The following NDUFS7 variants were observed in gnomAD, a reference collection of about 807,000 sequenced individuals.
NDUFS7 encodes the protein NADH:ubiquinone oxidoreductase core subunit S7.
Under a neutral mutation model 31.1 loss-of-function variants are expected in NDUFS7, and 11 were observed. The ratio of observed to expected loss-of-function variants is 0.35; its 90% CI spans 0.22 to 0.59. The LOEUF (loss-of-function observed/expected upper bound fraction) is 0.59, where lower values mean the gene tolerates loss of function less well. Among genes scored for constraint, NDUFS7 ranks in the 20% least tolerant of loss-of-function variants. NDUFS7 has a pLI of 0.79. For synonymous variants in NDUFS7, 136 were observed against 127.9 expected, an observed-to-expected ratio of 1.06 and a Z score of -0.43; for missense variants, 263 against 324.2, an observed-to-expected ratio of 0.81 and a Z score of 1.45.
In NDUFS7 at chr19:1,393,950, C is replaced by G; in HGVS notation, c.544+620C>G. The G allele has an allele frequency of 4.1e-6, 1 of 241,430 alleles. No individual in the cohort carries two copies. The highest frequency in any genetic ancestry group is 8.3e-6 in the Non-Finnish European group (1 of 121,064). The allele number at this position is 241,430 out of a possible 1,614,324, so 15.0% of individuals were successfully genotyped here. On this transcript the variant is annotated intron_variant, in intron 7 of 7. Coordinates refer to ENST00000233627, the MANE Select transcript of NDUFS7 (RefSeq NM_024407.5). The surrounding 1 kb of genome is among the most constrained non-coding windows in gnomAD (Gnocchi z 7.3). ...TGGTGATCCCGTGGGACTCTTGCAC[C>G]TCACGTGGTCCCACGAGGGCCATCC...
intron 1 of NDUFS7, among the ~76,000 whole-genome samples, chr19:1,385,751 G>A (rs2082503597): frequency 6.6e-6 from 1 of 152,084 alleles, no homozygotes; most frequent in Non-Finnish European, 1.5e-5. Flanking sequence ...CCTGGGAGGT[G>A]GAGGTTGCAG....
Position 1,390,895 on chromosome 19 carries a change from G to A in NDUFS7, c.253G>A (p.Gly85Ser). ...GAGTTCTCTGTGGCCCATGACCTTC[G>A]GCCTGGCCTGCTGCGCCGTGGAGAT... ...RRSSLWPMTF[G>S]LACCAVEMMH... is the part of the protein sequence containing the mutation. The change falls in exon 5 of 8, where the codon GGC (glycine) becomes AGC (serine). Residue 85 changes from glycine (G) to serine (S), a missense_variant. By Grantham distance (56) the Gly-to-Ser change is moderately conservative (BLOSUM62 0). Transcript: ENST00000233627. 2 of 1,610,508 alleles carry A rather than the reference G, an allele frequency of 1.2e-6. No individual in the cohort carries two copies. The highest frequency in any genetic ancestry group is 2.2e-5 in the South Asian group (2 of 91,086).
chr19:1,393,498 G>T lies in NDUFS7; in HGVS notation c.544+168G>T, dbSNP rs1488465197. Reference sequence around the variant, plus strand: ...TGCCTCTTAGTGGAGCCTGTCCCCTGTGAGAAGTCGGCGATGTATTCAGGC... The same window carrying T: ...TGCCTCTTAGTGGAGCCTGTCCCCTTTGAGAAGTCGGCGATGTATTCAGGC... On this transcript the variant is annotated intron_variant, in intron 7 of 7. Transcript: ENST00000233627. This position sits in a 1 kb window ranked among gnomAD's most constrained non-coding sequence, Gnocchi z 7.3. 7.2e-6 allele frequency: 5 copies of T among 697,784 alleles called. No homozygotes were observed. Among genetic ancestry groups the T allele is most frequent in the Non-Finnish European group, 7.8e-6 (3 of 383,786 alleles). 43.2% of individuals were successfully genotyped at this position (697,784 alleles called of 1,614,324 possible).
intron 1 of NDUFS7, among the ~76,000 whole-genome samples, chr19:1,386,132 G>T (rs1434569446): frequency 1.3e-5 from 2 of 152,180 alleles, no homozygotes; most frequent in African/African-American, 4.8e-5. Context: ...TGAGGGAGGG[G>T]CTCAGAGGCA....
In NDUFS7 at chr19:1,391,311, T is replaced by TC; in HGVS notation, c.455+148dup. On this transcript the variant is annotated intron_variant, in intron 6 of 7. Transcript: ENST00000233627. ...GCTGCCCTTCAGCCGTCTCGGTGCCTCCACCCTAGGCAGATGCGCTGGTGG... is the reference window on the plus strand; with the variant it reads ...GCTGCCCTTCAGCCGTCTCGGTGCCTCCCACCCTAGGCAGATGCGCTGGTGG... 2.9e-6 allele frequency: 3 copies of TC among 1,047,184 alleles called. No homozygotes were observed. In the East Asian group the frequency reaches 7.8e-5, roughly 27 times the overall value. The allele number at this position is 1,047,184 out of a possible 1,614,324, so 64.9% of individuals were successfully genotyped here.
Position 1,391,141 on chromosome 19 carries a change from C to A in NDUFS7, c.431C>A (p.Pro144Gln). Residue 144 changes from proline to glutamine, a missense_variant, in exon 6 of 8, where the codon CCG becomes CAG. Physicochemically the swap from Pro to Gln is moderately conservative, Grantham distance 76 (BLOSUM62 -1). Coordinates refer to ENST00000233627, the MANE Select transcript of NDUFS7 (RefSeq NM_024407.5). ...LRKVYDQMPEPRYVVSMGSCA... is the reference protein window; with the variant it reads ...LRKVYDQMPEQRYVVSMGSCA... ...CAGGTCTACGACCAGATGCCGGAGC[C>A]GCGCTACGTGGTCTCCATGGGGAGG... The A allele has an allele frequency of 6.2e-7, 1 of 1,612,776 alleles. No homozygotes were observed. The highest frequency in any genetic ancestry group is 8.5e-7 in the Non-Finnish European group (1 of 1,179,672).
At position 1,386,034 on chromosome 19, in the gene NDUFS7, A is replaced by G. The variant is rs528902424; in HGVS notation, c.17-1777A>G. The stretch of plus-strand genomic sequence containing the variant: ...GTGCCCAGCCTCAGGCATGCCAAGA[A>G]GTAGGTCACAGGCTTGTGTCCTTCA... On this transcript the variant is annotated intron_variant, in intron 1 of 7. Coordinates refer to ENST00000233627, the MANE Select transcript of NDUFS7 (RefSeq NM_024407.5). Among the ~76,000 whole-genome samples, 15 of 152,318 alleles carry G rather than the reference A, an allele frequency of 9.8e-5. No individual in the cohort carries two copies. In the South Asian group the frequency reaches 2.1e-3, roughly 21 times the overall value.
rs1383037111 is a variant in NDUFS7, at chr19:1,394,843, C to T, written c.545-548C>T. On this transcript the variant is annotated intron_variant, in intron 7 of 7. Coordinates refer to ENST00000233627, the MANE Select transcript of NDUFS7 (RefSeq NM_024407.5). ...GCTGTCCCCGTTGGGCCCTGGGCTT[C>T]GTCCTCTTGCTCAAGCCCTTTGTTC... 1.2e-5 allele frequency: 14 copies of T among 1,154,164 alleles called. No individual in the cohort carries two copies. In the Admixed American group the frequency reaches 2.9e-4, roughly 24 times the overall value. The allele number at this position is 1,154,164 out of a possible 1,614,324, so 71.5% of individuals were successfully genotyped here.
At position 1,388,574 on chromosome 19, in the gene NDUFS7, G is replaced by A. The variant is rs747301477; in HGVS notation, c.103G>A (p.Ala35Thr). 4 of 1,612,110 alleles carry A rather than the reference G, an allele frequency of 2.5e-6. No homozygotes were observed. The African/African-American group carries it at 5.3e-5, about 22-fold the overall frequency. The change falls in exon 3 of 8, where the codon GCC becomes ACC. Residue 35 changes from alanine (A) to threonine (T), a missense_variant. Transcript: ENST00000233627. ...VQARGVHQSV[A>T]TDGPSSTQPA... ...GGCACGAGGTGTCCATCAGAGCGTGGCCACCGATGGCCCAAGCAGGTGAAG... is the reference window on the plus strand; with the variant it reads ...GGCACGAGGTGTCCATCAGAGCGTGACCACCGATGGCCCAAGCAGGTGAAG...
At chr19:1,388,433 C>T in intron 2 of NDUFS7, 92 bp from the exon 3 acceptor site, 1 of 1,175,502 alleles carries the variant, frequency 8.5e-7, no homozygotes, top group East Asian at 2.4e-5. Context: ...AGTCTCGCAG[C>T]AGGGAGGGGA....
At chr19:1,387,204 G>C (rs571163771) in intron 1 of NDUFS7, 1 of 161,780 alleles carries the variant, frequency 6.2e-6, no homozygotes, top group Admixed American at 5.7e-5. Context: ...GGAAACGCCC[G>C]AGCAGCAGCC....
chr19:1,395,360 G>A (rs761161426), intron 7 of NDUFS7, 31 bp from the exon 8 acceptor site: 14 of 1,588,462 alleles, frequency 8.8e-6, no homozygotes, highest in African/African-American at 4.0e-5. Flanking sequence ...CTCCGGCTGC[G>A]GGAAGCGAGA....
In NDUFS7 at chr19:1,393,312, G is replaced by A. The variant is rs763566432; in HGVS notation, c.526G>A (p.Val176Met). 11 of 1,584,300 alleles carry A rather than the reference G, an allele frequency of 6.9e-6. No homozygotes were observed. The highest frequency in any genetic ancestry group is 1.2e-5 in the South Asian group (1 of 86,644). The change falls in exon 7 of 8, where the codon GTG becomes ATG. Residue 176 changes from valine (V) to methionine (M), a missense_variant. Coordinates refer to ENST00000233627, the MANE Select transcript of NDUFS7 (RefSeq NM_024407.5). This position sits in a 1 kb window ranked among gnomAD's most constrained non-coding sequence, Gnocchi z 7.3. ...VVRGCDRIVPVDIYIPGCPPT... is the reference protein window; with the variant it reads ...VVRGCDRIVPMDIYIPGCPPT... ...GAGGGGCTGCGACCGCATCGTGCCC[G>A]TGGACATCTACATCCCAGGTAGGGC...
chr19:1,394,294 C>A (rs1004338419), intron 7 of NDUFS7: 2 of 1,189,896 alleles, frequency 1.7e-6, no homozygotes, highest in Non-Finnish European at 2.2e-6. Flanking sequence ...CTCCCTGTGA[C>A]TTGACAGCAC....
At chr19:1,384,346 G>A (rs1189740681) in intron 1 of NDUFS7, among the ~76,000 whole-genome samples, 1 of 152,204 alleles carries the variant, frequency 6.6e-6, no homozygotes, top group Non-Finnish European at 1.5e-5. Context: ...ACAGGGCCGG[G>A]CCTGGGAAGG....
Position 1,393,356 on chromosome 19 carries a change from G to T in NDUFS7, c.544+26G>T. 6.5e-7 allele frequency: 1 copy of T among 1,541,046 alleles called. No individual in the cohort carries two copies. ...GTAGGGCCGGGACCGCACCGCCCAC[G>T]AGGGAGCTGGAGACAGGGCCAGCGC... is the stretch of plus-strand genomic sequence containing the variant. On this transcript the variant is annotated intron_variant, in intron 7 of 7. Coordinates refer to ENST00000233627, the MANE Select transcript of NDUFS7 (RefSeq NM_024407.5). The surrounding 1 kb of genome is among the most constrained non-coding windows in gnomAD (Gnocchi z 7.3).
At chr19:1,388,143 A>T in intron 2 of NDUFS7, 1 of 591,568 alleles carries the variant, frequency 1.7e-6, no homozygotes, top group Admixed American at 2.9e-5. Context: ...CCCTGTGCAG[A>T]TGGCAGCTGG....
rs752403996 is a variant in NDUFS7, at chr19:1,390,871, A to C, written c.229A>C (p.Ser77Arg). Residue 77 changes from serine (S) to arginine (R), a missense_variant and splice_region_variant, in exon 5 of 8, where the codon AGT becomes CGT. By Grantham distance (110) the Ser-to-Arg change is moderately radical. Coordinates refer to ENST00000233627, the MANE Select transcript of NDUFS7 (RefSeq NM_024407.5). ...LDDLVNWARR[S>R]SLWPMTFGLA... The stretch of plus-strand genomic sequence containing the variant: ...TCTGACCCGAGCCCGGCCTCCGCAG[A>C]GTTCTCTGTGGCCCATGACCTTCGG... 4 of 1,607,922 alleles carry C rather than the reference A, an allele frequency of 2.5e-6. No homozygotes were observed. Among genetic ancestry groups the C allele is most frequent in the Non-Finnish European group, 3.4e-6 (4 of 1,179,508 alleles).
rs546205650 is a variant in NDUFS7 at position 1,393,980 on chromosome 19, G to A, written c.544+650G>A. ...GTGGTCCCACGAGGGCCATCCCCCC[G>A]GGCGTTCACCTTGACAGTGGTCCAC... On this transcript the variant is annotated intron_variant, in intron 7 of 7. Coordinates refer to ENST00000233627, the MANE Select transcript of NDUFS7 (RefSeq NM_024407.5). This position sits in a 1 kb window ranked among gnomAD's most constrained non-coding sequence, Gnocchi z 7.3. 4.9e-5 allele frequency: 12 copies of A among 244,984 alleles called. No individual in the cohort carries two copies. Among genetic ancestry groups the A allele is most frequent in the Non-Finnish European group, 8.9e-5 (11 of 123,270 alleles). The allele number at this position is 244,984 out of a possible 1,614,324, so 15.2% of individuals were successfully genotyped here. A position where few individuals can be genotyped will look rare whatever the true frequency, so the allele number is the denominator to read the frequency against.
Sources: allele counts gnomAD v4.1 joint callset (sites outside exome capture counted in the v4.1 genomes callset), GRCh38; gene constraint gnomAD v4.1.1; non-coding constraint Gnocchi (gnomAD v3.1); transcripts MANE v1.5; gene names NCBI Gene and HGNC (gene_info 2026-07-23, HGNC 2026-07-21).